CACNG5: variants seen among roughly 807,000 people sequenced by gnomAD.
The protein encoded by CACNG5 is calcium voltage-gated channel auxiliary subunit gamma 5, also known as voltage-dependent calcium channel gamma-5 subunit.
A neutral mutation model predicts 24.8 loss-of-function variants in CACNG5; 18 were observed. The observed-to-expected ratio is 0.73, with a 90% CI of 0.50 to 1.08. The LOEUF is 1.08. Among genes scored for constraint, CACNG5 ranks in the 50% least tolerant of loss-of-function variants. The pLI is 0.00. For synonymous variants in CACNG5, 157 were observed against 149.1 expected (o/e 1.05, Z -0.39); for missense variants, 349 against 367.9 (o/e 0.95, Z 0.42).
chr17:66,878,478 A>G (rs1383744010), intron 2 of CACNG5, among the ~76,000 whole-genome samples: 1 of 152,212 alleles, frequency 6.6e-6, no homozygotes, highest in Non-Finnish European at 1.5e-5. Context: ...AATGACATCC[A>G]ACTCTGGCTT....
At chr17:66,880,734 T>C (rs1221227307) in intron 4 of CACNG5, 37 bp downstream of exon 4, 9 of 1,596,990 alleles carry the variant, frequency 5.6e-6, no homozygotes, top group Non-Finnish European at 7.7e-6. Flanking sequence ...CACCCTGGAA[T>C]TTTTTGTTTT....
At chr17:66,858,847 C>A (rs1976817841) in intron 1 of CACNG5, among the ~76,000 whole-genome samples, 1 of 152,168 alleles carries the variant, frequency 6.6e-6, no homozygotes, top group Non-Finnish European at 1.5e-5. Flanking sequence ...ATTCAAGATA[C>A]TCACAATGTT....
chr17:66,855,464 A>G (rs1176118606), intron 1 of CACNG5, among the ~76,000 whole-genome samples: 3 of 152,226 alleles, frequency 2.0e-5, no homozygotes, highest in Non-Finnish European at 4.4e-5. Context: ...AGACAGCTCC[A>G]GGAAACTCCT....
intron 1 of CACNG5, among the ~76,000 whole-genome samples, chr17:66,837,122 A>G (rs117342475): frequency 6.6e-6 from 1 of 152,336 alleles, no homozygotes; most frequent in East Asian, 1.9e-4. Context: ...AAGGTCATGA[A>G]TGAATGACAG....
intron 1 of CACNG5, among the ~76,000 whole-genome samples, chr17:66,846,182 G>T (rs977332185): frequency 6.6e-6 from 1 of 152,028 alleles, no homozygotes; most frequent in Non-Finnish European, 1.5e-5. Flanking sequence ...TTTTTAAATC[G>T]TGGTGAATCA....
chr17:66,878,911 A>G (rs1237611152), intron 2 of CACNG5, 61 bp from the exon 3 acceptor site: 5 of 1,358,540 alleles, frequency 3.7e-6, no homozygotes, highest in Non-Finnish European at 5.3e-6. Flanking sequence ...TACCATTTGT[A>G]TGGACCAACT....
chr17:66,869,789 C>T (rs967771728), intron 1 of CACNG5, among the ~76,000 whole-genome samples: 7 of 152,066 alleles, frequency 4.6e-5, no homozygotes, highest in South Asian at 4.1e-4. Flanking sequence ...TATCTTGAAA[C>T]GTAATGGTAT....
chr17:66,868,446 G>A (rs930449917), intron 1 of CACNG5, among the ~76,000 whole-genome samples: 1 of 152,128 alleles, frequency 6.6e-6, no homozygotes, highest in Admixed American at 6.5e-5. Flanking sequence ...TTTGTCAAAG[G>A]ACAGGAATCC....
rs775383220 is a variant in CACNG5, at chr17:66,884,520, C to T, written c.429C>T (p.Leu143=). ...TCTCCCCTGCTGCCCAACCAGGCCT[C>T]TCTCTCGTGGTGGGCCTGGTGCTCT... The part of the protein sequence containing the change: ...VSGIFFILSG[L]SLVVGLVLYI... The change falls in exon 5 of 6, where the codon CTC becomes CTT. Residue 143 remains leucine, a synonymous_variant. Transcript: ENST00000533854. 6 of 1,607,770 alleles carry T rather than the reference C, an allele frequency of 3.7e-6. No individual in the cohort carries two copies. In the African/African-American group the frequency reaches 8.0e-5, roughly 21 times the overall value.
At chr17:66,861,634 A>G (rs1372043336) in intron 1 of CACNG5, among the ~76,000 whole-genome samples, 1 of 152,236 alleles carries the variant, frequency 6.6e-6, no homozygotes, top group Non-Finnish European at 1.5e-5. Flanking sequence ...ATAGATGACC[A>G]GTGTCACTAG....
At chr17:66,848,660 G>A (rs1976669575) in intron 1 of CACNG5, among the ~76,000 whole-genome samples, 2 of 152,300 alleles carry the variant, frequency 1.3e-5, no homozygotes, top group South Asian at 4.1e-4. Flanking sequence ...CTTGGCAGGG[G>A]AGACGAATTT....
chr17:66,884,140 GAAAAAA>G, intron 4 of CACNG5, among the ~76,000 whole-genome samples: 1 of 104,116 alleles, frequency 9.6e-6, no homozygotes, highest in South Asian at 3.3e-4. Flanking sequence ...CTCAAAAAAA[GAAAAAA>G]AAAAAAAAAA....
In CACNG5 at chr17:66,890,943, T is replaced by C. The variant is rs1678761580; in HGVS notation, c.*5703T>C. 6.6e-6 allele frequency among the ~76,000 whole-genome samples: 1 copy of C among 152,164 alleles called. No individual in the cohort carries two copies. The highest frequency in any genetic ancestry group is 2.1e-4 in the South Asian group (1 of 4,828). On this transcript the variant is annotated 3_prime_UTR_variant, in exon 6 of 6. Coordinates refer to ENST00000533854, the MANE Select transcript of CACNG5 (RefSeq NM_145811.3). ...TGTGGAATTTAGCTAAGAGATCAGATACTTGCAGCACCCCAAGGAAGAATA... is the reference window on the plus strand; with the variant it reads ...TGTGGAATTTAGCTAAGAGATCAGACACTTGCAGCACCCCAAGGAAGAATA...
intron 1 of CACNG5, among the ~76,000 whole-genome samples, chr17:66,839,133 T>C (rs1401683088): frequency 6.6e-6 from 1 of 151,894 alleles, no homozygotes; most frequent in East Asian, 1.9e-4. Flanking sequence ...AGCTAATTTT[T>C]ATATTTTTAG....
chr17:66,879,147 C>A, intron 3 of CACNG5, 89 bp downstream of exon 3: 1 of 955,018 alleles, frequency 1.0e-6, no homozygotes, highest in Non-Finnish European at 1.7e-6. Context: ...GCATATTTCT[C>A]AAGAGGAATG....
chr17:66,836,993 G>A (rs1411514768), intron 1 of CACNG5, among the ~76,000 whole-genome samples: 1 of 152,216 alleles, frequency 6.6e-6, no homozygotes, highest in Non-Finnish European at 1.5e-5. Context: ...TGTGGAAAAC[G>A]TCGGCTCCAA....
Position 66,877,232 on chromosome 17 carries a change from C to A in CACNG5, c.-101C>A. Reference sequence around the variant, plus strand: ...GCTCCTCATCTTCGTCTTCTCAGAGCCGTGGGTACTGCCACCTGCTCACCC... The same window carrying A: ...GCTCCTCATCTTCGTCTTCTCAGAGACGTGGGTACTGCCACCTGCTCACCC... On this transcript the variant is annotated splice_region_variant and 5_prime_UTR_variant, in exon 2 of 6. Coordinates refer to ENST00000533854, the MANE Select transcript of CACNG5 (RefSeq NM_145811.3). 1.1e-6 allele frequency: 1 copy of A among 942,586 alleles called. No individual in the cohort carries two copies. The highest frequency in any genetic ancestry group is 1.6e-6 in the Non-Finnish European group (1 of 618,410). The allele number at this position is 942,586 out of a possible 1,614,324, so 58.4% of individuals were successfully genotyped here. A position where few individuals can be genotyped will look rare whatever the true frequency, so the allele number is the denominator to read the frequency against.
intron 1 of CACNG5, among the ~76,000 whole-genome samples, chr17:66,868,918 A>G (rs1330429432): frequency 6.6e-6 from 1 of 152,214 alleles, no homozygotes; most frequent in African/African-American, 2.4e-5. Flanking sequence ...TTTGCCAGGG[A>G]TGGAAAATAA....
In CACNG5 at chr17:66,893,052, C is replaced by T. The variant is rs182043359; in HGVS notation, c.*7812C>T. ...TGGCACATAATAGGTATTTTGCAAGCATTATCTCATGTAACCCTTTCCATC... is the reference window on the plus strand; with the variant it reads ...TGGCACATAATAGGTATTTTGCAAGTATTATCTCATGTAACCCTTTCCATC... On this transcript the variant is annotated 3_prime_UTR_variant, in exon 6 of 6. Coordinates refer to ENST00000533854, the MANE Select transcript of CACNG5 (RefSeq NM_145811.3). 2.6e-5 allele frequency among the ~76,000 whole-genome samples: 4 copies of T among 152,310 alleles called. No individual in the cohort carries two copies. In the East Asian group the frequency reaches 7.7e-4, roughly 29 times the overall value.
Sources: gnomAD v4.1 joint callset for allele counts (sites outside exome capture counted in the v4.1 genomes callset) on GRCh38, gnomAD v4.1.1 for gene constraint, MANE v1.5 for transcripts, NCBI Gene and HGNC (gene_info 2026-07-23, HGNC 2026-07-21) for gene names.